The following RAD51B variants were observed in gnomAD, a reference collection of about 807,000 sequenced individuals.
RAD51B encodes DNA repair protein RAD51 homolog 2.
In RAD51B, 38 loss-of-function variants were observed where a neutral mutation model predicts 42.2. That is an observed-to-expected ratio of 0.90 (90% CI 0.70 to 1.18). The LOEUF (loss-of-function observed/expected upper bound fraction) is 1.18. Among genes scored for constraint, RAD51B ranks in the 50% most tolerant of loss-of-function variants. The pLI is 0.00. For missense variants in RAD51B, 373 were observed against 400.7 expected (o/e 0.93, Z 0.59); for synonymous variants, 154 against 145.2 (o/e 1.06, Z -0.43).
At chr14:67,839,500 T>C (rs886625255) in intron 4 of RAD51B, among the ~76,000 whole-genome samples, 6 of 152,074 alleles carry the variant, frequency 3.9e-5, no homozygotes, top group African/African-American at 1.4e-4. Flanking sequence ...TTAAATCTGG[T>C]TTTACATGTG....
intron 7 of RAD51B, among the ~76,000 whole-genome samples, chr14:68,017,069 A>G (rs1202376808): frequency 6.6e-6 from 1 of 152,184 alleles, no homozygotes; most frequent in African/African-American, 2.4e-5. Flanking sequence ...TTCATTTTCC[A>G]AATTTCTAAT....
intron 7 of RAD51B, chr14:68,114,293 A>G (rs1478755660): frequency 6.6e-6 from 1 of 152,072 alleles, no homozygotes; most frequent in Non-Finnish European, 1.5e-5. Context: ...TTATATTTGA[A>G]TATATTAAGG....
intron 11 of RAD51B, among the ~76,000 whole-genome samples, chr14:68,653,389 C>G (rs55999243): frequency 1.3e-5 from 2 of 152,106 alleles, no homozygotes; most frequent in Non-Finnish European, 2.9e-5. Context: ...AAAACAAAGC[C>G]AAAAAACAGT....
intron 7 of RAD51B, among the ~76,000 whole-genome samples, chr14:68,237,502 GTAAC>G (rs532321518): frequency 5.9e-5 from 9 of 152,076 alleles, no homozygotes; most frequent in Non-Finnish European, 1.2e-4. Context: ...CCTGAGTTGT[GTAAC>G]TATTGTCATT....
Position 68,327,122 on chromosome 14 carries a change from T to C in RAD51B, c.853+35142T>C, listed in dbSNP as rs1165131061. ...CACACAGGAAGATATCCAGCAAACA[T>C]GTTTCACACTTGATTTTAGAGGTAA... On this transcript the variant is annotated intron_variant, in intron 8 of 10. Transcript: ENST00000471583. 2.0e-5 allele frequency among the ~76,000 whole-genome samples: 3 copies of C among 152,318 alleles called. No individual in the cohort carries two copies. The East Asian group carries it at 5.8e-4, about 29-fold the overall frequency.
chr14:68,599,080 G>T (rs113419425), downstream of RAD51B, among the ~76,000 whole-genome samples: 1,473 of 152,258 alleles, frequency 9.7e-3, 17 homozygotes, highest in African/African-American at 0.034. Context: ...TGAGCTGGCC[G>T]CTCCCTTTGC....
intron 7 of RAD51B, among the ~76,000 whole-genome samples, chr14:67,890,914 TTTTA>T (rs1454656007): frequency 1.3e-5 from 2 of 152,154 alleles, no homozygotes; most frequent in Non-Finnish European, 2.9e-5. Context: ...GTTGTATTCT[TTTTA>T]TTTATTTTCC....
At chr14:67,855,132 TCA>T (rs2041946238) in intron 4 of RAD51B, among the ~76,000 whole-genome samples, 1 of 152,144 alleles carries the variant, frequency 6.6e-6, no homozygotes, top group African/African-American at 2.4e-5. Flanking sequence ...TCTCCTGACC[TCA>T]TGATCCACCT....
intron 10 of RAD51B, among the ~76,000 whole-genome samples, chr14:68,570,872 G>A (rs938551211): frequency 2.1e-4 from 6 of 29,220 alleles, no homozygotes; most frequent in Non-Finnish European, 2.2e-4. Context: ...AGGCTGGAGC[G>A]CCACACACAC....
At chr14:68,417,526 G>A (rs2084592113) in intron 9 of RAD51B, among the ~76,000 whole-genome samples, 1 of 152,108 alleles carries the variant, frequency 6.6e-6, no homozygotes, top group Admixed American at 6.5e-5. Context: ...TAAATAAAAG[G>A]GGAACCCAGA....
intron 10 of RAD51B, among the ~76,000 whole-genome samples, chr14:68,538,164 C>T (rs976697224): frequency 3.9e-5 from 6 of 152,202 alleles, no homozygotes; most frequent in African/African-American, 1.4e-4. Flanking sequence ...TCCCAGAGTC[C>T]TGTCAAATGT....
At chr14:68,080,999 C>G (rs1056579619) in intron 7 of RAD51B, among the ~76,000 whole-genome samples, 2 of 152,164 alleles carry the variant, frequency 1.3e-5, no homozygotes, top group Admixed American at 6.5e-5. Context: ...TGGTCCTGAT[C>G]TGATGTAGGG....
chr14:68,571,027 G>GT (rs1889675651), intron 10 of RAD51B, among the ~76,000 whole-genome samples: 1 of 152,124 alleles, frequency 6.6e-6, no homozygotes, highest in African/African-American at 2.4e-5. Flanking sequence ...GCCAGTGAAG[G>GT]GGCTTTGTAA....
At chr14:68,401,934 C>T (rs2084117406) in intron 8 of RAD51B, among the ~76,000 whole-genome samples, 1 of 152,154 alleles carries the variant, frequency 6.6e-6, no homozygotes. Context: ...TGAGCCATTG[C>T]AGCTGATGGG....
intron 7 of RAD51B, among the ~76,000 whole-genome samples, chr14:68,246,000 T>C (rs1267110741): frequency 1.3e-5 from 2 of 152,162 alleles, no homozygotes; most frequent in East Asian, 3.9e-4. Context: ...TCAGGGCTGC[T>C]GTAAGCCAAG....
intron 10 of RAD51B, among the ~76,000 whole-genome samples, chr14:68,470,020 A>C (rs933594228): frequency 3.9e-5 from 6 of 152,196 alleles, no homozygotes; most frequent in African/African-American, 1.4e-4. Context: ...TATTTAGAGA[A>C]AGTAGAGCCT....
intron 5 of RAD51B, among the ~76,000 whole-genome samples, chr14:67,882,903 C>A (rs1469555510): frequency 6.6e-6 from 1 of 152,220 alleles, no homozygotes; most frequent in Non-Finnish European, 1.5e-5. Flanking sequence ...CGTCACCACA[C>A]CTGGCTAATT....
At chr14:68,589,962 A>G (rs1188091771) in intron 10 of RAD51B, among the ~76,000 whole-genome samples, 1 of 152,066 alleles carries the variant, frequency 6.6e-6, no homozygotes, top group African/African-American at 2.4e-5. Flanking sequence ...ATGCATTCAG[A>G]TCTGTACCCA....
intron 5 of RAD51B, among the ~76,000 whole-genome samples, chr14:67,867,289 C>CGTT (rs2042361053): frequency 6.6e-6 from 1 of 152,166 alleles, no homozygotes; most frequent in South Asian, 2.1e-4. Flanking sequence ...CTGCAGATAA[C>CGTT]TGAGTATCCA....
Sources: allele counts gnomAD v4.1 joint callset (sites outside exome capture counted in the v4.1 genomes callset), GRCh38; gene constraint gnomAD v4.1.1; transcripts MANE v1.5; gene names NCBI Gene and HGNC (gene_info 2026-07-23, HGNC 2026-07-21).